The following GPHN variants were observed in gnomAD, a reference collection of about 807,000 sequenced individuals.
GPHN encodes the protein gephyrin.
In GPHN, 17 loss-of-function variants were observed where a neutral mutation model predicts 95.5. The ratio of observed to expected loss-of-function variants is 0.18; its 90% CI spans 0.12 to 0.27. The LOEUF (loss-of-function observed/expected upper bound fraction) is 0.27, where lower values mean the gene tolerates loss of function less well. Ranked by LOEUF, GPHN falls within the 10% of genes least tolerant of loss-of-function variation. GPHN has a pLI of 1.00. For synonymous variants in GPHN, 320 were observed against 322.5 expected (o/e 0.99, Z 0.08); for missense variants, 660 against 978.1 (o/e 0.67, Z 4.34).
chr14:67,283,363 A>C, the GPHN span, among the ~76,000 whole-genome samples: 1 of 152,184 alleles, frequency 6.6e-6, no homozygotes, highest in Non-Finnish European at 1.5e-5. Flanking sequence ...CTGGCATTTA[A>C]CTGACTTTTG....
chr14:66,871,716 T>C (rs1054536232), intron 4 of GPHN, among the ~76,000 whole-genome samples: 8 of 151,576 alleles, frequency 5.3e-5, no homozygotes, highest in African/African-American at 1.9e-4. Flanking sequence ...TAACTGGGAG[T>C]TGAACAATGA....
chr14:67,413,984 G>A, the GPHN span, among the ~76,000 whole-genome samples: 1 of 152,210 alleles, frequency 6.6e-6, no homozygotes, highest in Admixed American at 6.5e-5. Context: ...GCCTCCTAAG[G>A]AATTGTCCCA....
At chr14:66,983,658 G>T (rs2070828965) in intron 9 of GPHN, among the ~76,000 whole-genome samples, 1 of 152,178 alleles carries the variant, frequency 6.6e-6, no homozygotes, top group South Asian at 2.1e-4. Flanking sequence ...TGCTCCCAAA[G>T]TCTCTATATA....
At chr14:67,378,782 T>G in the GPHN span, among the ~76,000 whole-genome samples, 3 of 152,246 alleles carry the variant, frequency 2.0e-5, no homozygotes, top group South Asian at 4.1e-4. Flanking sequence ...CTAATGCTAG[T>G]TCTTTGCATT....
chr14:66,697,051 A>C (rs2068149251), intron 2 of GPHN, among the ~76,000 whole-genome samples: 1 of 152,224 alleles, frequency 6.6e-6, no homozygotes, highest in Non-Finnish European at 1.5e-5. Context: ...CAAAATTTCT[A>C]CACACTAATA....
At chr14:67,264,600 T>C in the GPHN span, among the ~76,000 whole-genome samples, 1 of 152,312 alleles carries the variant, frequency 6.6e-6, no homozygotes, top group Non-Finnish European at 1.5e-5. Context: ...CATGTAGATA[T>C]CCAGTGTGGA....
intron 5 of GPHN, among the ~76,000 whole-genome samples, chr14:66,881,029 T>C (rs1660872261): frequency 1.3e-5 from 2 of 151,938 alleles, no homozygotes; most frequent in African/African-American, 4.8e-5. Flanking sequence ...GTGTGTAATA[T>C]GAATATAAAA....
intron 1 of GPHN, among the ~76,000 whole-genome samples, chr14:66,613,338 TC>T (rs2062863984): frequency 1.3e-5 from 2 of 152,136 alleles, no homozygotes; most frequent in Admixed American, 1.3e-4. Flanking sequence ...ACCACAGCCT[TC>T]TTGCACTCAG....
the GPHN span, among the ~76,000 whole-genome samples, chr14:67,607,616 C>T: frequency 2.0e-5 from 3 of 152,142 alleles, no homozygotes; most frequent in East Asian, 1.9e-4. Flanking sequence ...CTGCCCGCCT[C>T]GGCCTCCCAA....
At chr14:66,810,200 T>G (rs2060702298) in intron 3 of GPHN, among the ~76,000 whole-genome samples, 1 of 151,962 alleles carries the variant, frequency 6.6e-6, no homozygotes, top group Non-Finnish European at 1.5e-5. Flanking sequence ...GTAATTTATA[T>G]AGACATATGA....
chr14:67,674,329 G>T, the GPHN span: 3 of 1,486,774 alleles, frequency 2.0e-6, no homozygotes, highest in South Asian at 3.7e-5. Context: ...TCCTTCCAAA[G>T]CGCGCAGGGC....
intron 9 of GPHN, among the ~76,000 whole-genome samples, chr14:67,008,998 A>G (rs548945248): frequency 6.6e-6 from 1 of 152,296 alleles, no homozygotes; most frequent in African/African-American, 2.4e-5. Flanking sequence ...TGCAAACAGA[A>G]GAATAATCTA....
intron 4 of GPHN, among the ~76,000 whole-genome samples, chr14:66,834,214 A>G (rs534542447): frequency 8.5e-5 from 13 of 152,212 alleles, no homozygotes; most frequent in Non-Finnish European, 1.2e-4. Flanking sequence ...CCTTAAGTCC[A>G]CTTACTTATG....
intron 2 of GPHN, among the ~76,000 whole-genome samples, chr14:66,763,838 G>A (rs1227967717): frequency 2.0e-5 from 3 of 151,976 alleles, no homozygotes; most frequent in South Asian, 4.1e-4. Context: ...TCCCATTACC[G>A]CCTGAGCTCC....
chr14:67,081,130 G>C (rs755407900), intron 11 of GPHN, among the ~76,000 whole-genome samples: 4 of 152,152 alleles, frequency 2.6e-5, no homozygotes, highest in Non-Finnish European at 5.9e-5. Context: ...ATACCCAGTA[G>C]TGGGATTGCT....
chr14:67,404,961 C>T, the GPHN span, among the ~76,000 whole-genome samples: 123 of 151,602 alleles, frequency 8.1e-4, 1 homozygote, highest in East Asian at 0.019. Flanking sequence ...TGGCCAGGTG[C>T]GGTGGCTCAC....
chr14:67,408,153 G>T, the GPHN span, among the ~76,000 whole-genome samples: 1 of 151,998 alleles, frequency 6.6e-6, no homozygotes, highest in Non-Finnish European at 1.5e-5. Context: ...GGGCGTGGTG[G>T]TGCATGCCTG....
chr14:66,798,290 T>C (rs1330918536), intron 3 of GPHN, among the ~76,000 whole-genome samples: 2 of 151,912 alleles, frequency 1.3e-5, no homozygotes, highest in African/African-American at 2.4e-5. Context: ...TTTTCTTTTT[T>C]ATGTGTGTTT....
chr14:66,572,506 G>GTA (rs1222146510), intron 1 of GPHN, among the ~76,000 whole-genome samples: 2 of 151,154 alleles, frequency 1.3e-5, no homozygotes, highest in African/African-American at 4.9e-5. Context: ...GTGTGTGTGT[G>GTA]TATACGTCTG....
Sources: gnomAD v4.1 joint callset for allele counts (sites outside exome capture counted in the v4.1 genomes callset) on GRCh38, gnomAD v4.1.1 for gene constraint, MANE v1.5 for transcripts, NCBI Gene and HGNC (gene_info 2026-07-23, HGNC 2026-07-21) for gene names.